ARMCX4: variants seen among roughly 807,000 people sequenced by gnomAD.
ARMCX4 encodes armadillo repeat containing X-linked 4.
ARMCX4 carries 3 observed loss-of-function variants against 34.7 expected under a neutral mutation model. The ratio of observed to expected loss-of-function variants is 0.09; its 90% confidence interval spans 0.04 to 0.22. ARMCX4 has a LOEUF of 0.22. Ranked by LOEUF, ARMCX4 falls within the 10% of genes least tolerant of loss-of-function variation. The pLI is 1.00. For synonymous variants in ARMCX4, 513 were observed against 632.8 expected, an observed-to-expected ratio of 0.81 and a Z score of 2.84; for missense variants, 1,448 against 1,720.8, an observed-to-expected ratio of 0.84 and a Z score of 2.81.
At chrX:101,429,335 T>C (rs899358340) in intron 2 of ARMCX4, among the ~76,000 whole-genome samples, 71 of 97,901 alleles carry the variant, frequency 7.3e-4, no homozygotes, top group Non-Finnish European at 1.3e-3. Flanking sequence ...AGATTGTCTT[T>C]TTTTTTTTTT....
chrX:101,501,944 G>C (rs782583343), intron 7 of ARMCX4, among the ~76,000 whole-genome samples: 1 of 112,561 alleles, frequency 8.9e-6, no homozygotes, highest in Admixed American at 9.4e-5. Context: ...AGGTATCTGT[G>C]TTGGAAAAAG....
intron 4 of ARMCX4, among the ~76,000 whole-genome samples, chrX:101,476,052 G>GT (rs1450282160): frequency 9.0e-6 from 1 of 110,805 alleles, no homozygotes; most frequent in Admixed American, 9.7e-5. Flanking sequence ...AATGCACTTG[G>GT]TTTTAAAAAG....
chrX:101,467,428 G>A (rs1932811488), intron 4 of ARMCX4, among the ~76,000 whole-genome samples: 1 of 112,203 alleles, frequency 8.9e-6, no homozygotes, highest in Admixed American at 9.5e-5. Flanking sequence ...TGGGATTACA[G>A]GCATGATCCA....
At chrX:101,441,709 A>G (rs1444171025) in intron 2 of ARMCX4, among the ~76,000 whole-genome samples, 2 of 111,397 alleles carry the variant, frequency 1.8e-5, no homozygotes, top group Admixed American at 1.9e-4. Context: ...ACACTGAGTC[A>G]TTTTCAATTA....
intron 2 of ARMCX4, among the ~76,000 whole-genome samples, chrX:101,428,013 A>G (rs1268146509): frequency 8.9e-6 from 1 of 112,144 alleles, no homozygotes; most frequent in Non-Finnish European, 1.9e-5. Flanking sequence ...TCTATAATTC[A>G]ACAACTCCAT....
chrX:101,452,867 T>TTTATTATTATTATTATTATTA (rs10634734), downstream of ARMCX4, among the ~76,000 whole-genome samples: 15 of 102,153 alleles, frequency 1.5e-4, no homozygotes, highest in Admixed American at 1.5e-3. Flanking sequence ...GGCTGTTTGT[T>TTTATTATTATTATTATTATTA]TTATTATTAT....
intron 2 of ARMCX4, among the ~76,000 whole-genome samples, chrX:101,431,238 A>AT (rs1929975076): frequency 2.7e-5 from 3 of 111,951 alleles, no homozygotes; most frequent in African/African-American, 9.7e-5. Flanking sequence ...GAACTCTGCC[A>AT]TTTCAGAGGG....
At chrX:101,458,652 A>C (rs2147601679) in intron 4 of ARMCX4, among the ~76,000 whole-genome samples, 1 of 109,248 alleles carries the variant, frequency 9.2e-6, no homozygotes, top group East Asian at 2.9e-4. Context: ...ACGCTCGGCT[A>C]ATTTTTGTGT....
At chrX:101,455,300 T>G (rs1320132602) in intron 4 of ARMCX4, among the ~76,000 whole-genome samples, 1 of 111,860 alleles carries the variant, frequency 8.9e-6, no homozygotes, top group Non-Finnish European at 1.9e-5. Flanking sequence ...CACATTTAAT[T>G]TTACTCTCTT....
chrX:101,503,279 A>G (rs1214371517), intron 7 of ARMCX4, among the ~76,000 whole-genome samples: 23 of 111,238 alleles, frequency 2.1e-4, no homozygotes, highest in South Asian at 3.8e-4. Flanking sequence ...AGCATGATTT[A>G]TAATCCTTTG....
At chrX:101,498,738 G>T (rs374967169), downstream of ARMCX4, 2 of 111,917 alleles carry the variant, frequency 1.8e-5, no homozygotes, top group African/African-American at 6.5e-5. Context: ...TCTATGCCGA[G>T]TTATGTGCCA....
At chrX:101,527,503 A>G (rs1235343029) in intron 11 of ARMCX4, among the ~76,000 whole-genome samples, 3 of 111,796 alleles carry the variant, frequency 2.7e-5, no homozygotes, top group African/African-American at 9.8e-5. Context: ...AAGGAAATAG[A>G]GACACAAAAA....
Position 101,491,213 on chromosome X carries a change from G to C in ARMCX4, c.2624G>C (p.Ser875Thr), listed in dbSNP as rs868983615. The part of the protein sequence containing the change: ...VGSTQPQVLA[S>T]SQRETLPGAR... ...TCTACCCAGCCTCAGGTTTTGGCCA[G>C]CTCCCAGCGTGAGACCTTGCCTGGT... Residue 875 changes from serine (S) to threonine (T), a missense_variant, in exon 6 of 6, where the codon AGC (serine) becomes ACC (threonine). Ser to Thr is a moderately conservative substitution (Grantham distance 58, BLOSUM62 1). Coordinates refer to ENST00000423738, the MANE Select transcript of ARMCX4 (RefSeq NM_001256155.3). 2 of 1,136,308 alleles carry C rather than the reference G, an allele frequency of 1.8e-6. No homozygotes were observed. The highest frequency in any genetic ancestry group is 1.9e-5 in the South Asian group (1 of 51,874). The allele number at this position is 1,136,308 out of a possible 1,213,427, so 93.6% of individuals were successfully genotyped here.
At chrX:101,477,330 C>T (rs1556004512) in intron 4 of ARMCX4, among the ~76,000 whole-genome samples, 1 of 100,644 alleles carries the variant, frequency 9.9e-6, no homozygotes, top group African/African-American at 3.6e-5. Context: ...GTCCCAGCTA[C>T]TCAGGTAGCC....
intron 10 of ARMCX4, among the ~76,000 whole-genome samples, chrX:101,509,904 G>T (rs1389256801): frequency 1.8e-5 from 2 of 111,778 alleles, no homozygotes; most frequent in African/African-American, 3.3e-5. Context: ...TTAGCTTCCA[G>T]TGTTGCTGTT....
At chrX:101,428,819 T>C (rs782407274) in intron 2 of ARMCX4, among the ~76,000 whole-genome samples, 20 of 110,718 alleles carry the variant, frequency 1.8e-4, no homozygotes, top group Admixed American at 3.9e-4. Context: ...TCCCTTGCAC[T>C]TGAATTAGAT....
intron 2 of ARMCX4, among the ~76,000 whole-genome samples, chrX:101,433,871 C>T (rs1555993402): frequency 9.0e-6 from 1 of 111,479 alleles, no homozygotes; most frequent in Non-Finnish European, 1.9e-5. Flanking sequence ...TTGAAACCAC[C>T]TCAGAAAACA....
intron 2 of ARMCX4, among the ~76,000 whole-genome samples, chrX:101,436,693 T>A (rs1335192981): frequency 8.1e-5 from 9 of 110,848 alleles, no homozygotes; most frequent in Non-Finnish European, 1.7e-4. Flanking sequence ...TGAATAGGAG[T>A]GGTGAGAGAG....
At chrX:101,526,441 C>T (rs1231697229) in intron 11 of ARMCX4, among the ~76,000 whole-genome samples, 8 of 111,681 alleles carry the variant, frequency 7.2e-5, no homozygotes, top group South Asian at 3.7e-4. Context: ...AGCAAAATAA[C>T]CAGCTAACGT....
Sources: gnomAD v4.1 joint callset for allele counts (sites outside exome capture counted in the v4.1 genomes callset) on GRCh38, gnomAD v4.1.1 for gene constraint, MANE v1.5 for transcripts, NCBI Gene and HGNC (gene_info 2026-07-23, HGNC 2026-07-21) for gene names.